The following SDK1 variants were observed in gnomAD, a reference collection of about 807,000 sequenced individuals.
SDK1 encodes the protein sidekick cell adhesion molecule 1.
A neutral mutation model predicts 245.5 loss-of-function variants in SDK1; 157 were observed. That is an observed-to-expected ratio of 0.64 (90% CI 0.56 to 0.73). SDK1 has a LOEUF of 0.73. SDK1 is among the 30% of genes least tolerant of loss of function. SDK1 has a pLI of 0.00. For missense variants in SDK1, 3,583 were observed against 3,002.3 expected (o/e 1.19, Z -4.52); for synonymous variants, 1,647 against 1,278.5 (o/e 1.29, Z -6.15).
intron 20 of SDK1, among the ~76,000 whole-genome samples, chr7:4,076,261 T>C (rs7777597): frequency 1.3e-5 from 2 of 152,170 alleles, no homozygotes; most frequent in Non-Finnish European, 2.9e-5. Context: ...AATATCGGCT[T>C]CCAAAAATGA....
In SDK1 at chr7:4,224,982, C is replaced by CAA. The variant is rs3038664; in HGVS notation, c.5827+3652_5827+3653dup. 2.7e-3 allele frequency among the ~76,000 whole-genome samples: 120 copies of CAA among 43,742 alleles called. 10 individuals are homozygous for CAA. Among genetic ancestry groups the CAA allele is most frequent in the East Asian group, 4.8e-3 (5 of 1,042 alleles). 28.7% of individuals were successfully genotyped at this position (43,742 alleles called of 152,430 possible). A position where few individuals can be genotyped will look rare whatever the true frequency, so the allele number is the denominator to read the frequency against. ...TGGGCAACAGAGTGAGACTCTGTCT[C>CAA]AAAAAAAAAAAAAAAAAAAAAAAAA... On this transcript the variant is annotated intron_variant, in intron 40 of 44. Coordinates refer to ENST00000404826, the MANE Select transcript of SDK1 (RefSeq NM_152744.4).
At position 4,265,263 on chromosome 7, in the gene SDK1, C is replaced by T. The variant is rs765192517; in HGVS notation, c.6521C>T (p.Ala2174Val). 2.5e-6 allele frequency: 4 copies of T among 1,598,702 alleles called. No individual in the cohort carries two copies. Among genetic ancestry groups the T allele is most frequent in the South Asian group, 1.1e-5 (1 of 90,440 alleles). The change falls in exon 45 of 45, where the codon GCG becomes GTG. Residue 2174 changes from alanine (A) to valine (V), a missense_variant. By Grantham distance (64) the Ala-to-Val change is moderately conservative. Transcript: ENST00000404826. ...APAPHRYEAVAGSEAGAQLHP... is the reference protein window; with the variant it reads ...APAPHRYEAVVGSEAGAQLHP... ...GCGCCGCACAGGTACGAGGCGGTGGCGGGCTCCGAGGCGGGCGCGCAGCTG... is the reference window on the plus strand; with the variant it reads ...GCGCCGCACAGGTACGAGGCGGTGGTGGGCTCCGAGGCGGGCGCGCAGCTG...
chr7:3,412,486 C>G (rs1345790944), intron 1 of SDK1, among the ~76,000 whole-genome samples: 1 of 152,162 alleles, frequency 6.6e-6, no homozygotes, highest in Non-Finnish European at 1.5e-5. Flanking sequence ...GCAAAATGTT[C>G]CTTTATGTGT....
At chr7:3,619,027 G>A (rs529124927) in intron 1 of SDK1, 53 bp from the exon 2 acceptor site, 2 of 1,341,318 alleles carry the variant, frequency 1.5e-6, no homozygotes, top group East Asian at 2.6e-5. Flanking sequence ...TTAGATGAGT[G>A]CCACTTTCAT....
intron 1 of SDK1, among the ~76,000 whole-genome samples, chr7:3,470,125 A>G (rs1380933409): frequency 6.6e-6 from 1 of 152,218 alleles, no homozygotes; most frequent in African/African-American, 2.4e-5. Flanking sequence ...GGGGCTTAGC[A>G]TCACAGGAAG....
At chr7:3,989,102 C>T (rs1435537007) in intron 14 of SDK1, among the ~76,000 whole-genome samples, 2 of 152,190 alleles carry the variant, frequency 1.3e-5, no homozygotes, top group Non-Finnish European at 2.9e-5. Flanking sequence ...CCTCTGTTAT[C>T]CTATCTGTAT....
intron 5 of SDK1, among the ~76,000 whole-genome samples, chr7:3,880,179 A>C (rs569094587): frequency 6.6e-6 from 1 of 152,352 alleles, no homozygotes; most frequent in East Asian, 1.9e-4. Context: ...AGGGAGATGG[A>C]TGCGTTCTGC....
intron 2 of SDK1, among the ~76,000 whole-genome samples, chr7:3,637,233 G>T (rs1381946112): frequency 1.3e-5 from 2 of 152,082 alleles, no homozygotes; most frequent in African/African-American, 4.8e-5. Flanking sequence ...AGGTAGCTGG[G>T]ATTACAGGCG....
At chr7:3,414,455 G>A (rs1206528458) in intron 1 of SDK1, among the ~76,000 whole-genome samples, 1 of 152,134 alleles carries the variant, frequency 6.6e-6, no homozygotes, top group Non-Finnish European at 1.5e-5. Flanking sequence ...AAAATCTGGA[G>A]AATGTTTGTT....
chr7:3,578,336 A>C (rs1393396369), intron 1 of SDK1, among the ~76,000 whole-genome samples: 1 of 152,060 alleles, frequency 6.6e-6, no homozygotes, highest in Non-Finnish European at 1.5e-5. Flanking sequence ...CACATGCTTC[A>C]AAGGGCAAAA....
chr7:3,448,326 A>G (rs1295731606), intron 1 of SDK1, among the ~76,000 whole-genome samples: 1 of 151,886 alleles, frequency 6.6e-6, no homozygotes, highest in Non-Finnish European at 1.5e-5. Flanking sequence ...TTCTGCTCAT[A>G]TTATCTGGCC....
At chr7:4,141,494 G>C (rs935853487) in intron 28 of SDK1, among the ~76,000 whole-genome samples, 6 of 152,234 alleles carry the variant, frequency 3.9e-5, no homozygotes, top group Non-Finnish European at 8.8e-5. Context: ...CCCTGCTCCT[G>C]AAAGTAAATA....
chr7:4,041,080 A>G (rs571880609), intron 17 of SDK1, among the ~76,000 whole-genome samples: 1 of 152,210 alleles, frequency 6.6e-6, no homozygotes, highest in African/African-American at 2.4e-5. Flanking sequence ...TCCTGTATCA[A>G]TTGGTCCTGT....
At chr7:4,214,448 G>A (rs1005850214) in intron 38 of SDK1, among the ~76,000 whole-genome samples, 3 of 152,188 alleles carry the variant, frequency 2.0e-5, no homozygotes, top group South Asian at 2.1e-4. Flanking sequence ...TGTCTGTTGC[G>A]AAGGGCTGGT....
At chr7:3,757,900 C>T (rs1272859670) in intron 4 of SDK1, among the ~76,000 whole-genome samples, 3 of 152,166 alleles carry the variant, frequency 2.0e-5, no homozygotes, top group African/African-American at 7.2e-5. Flanking sequence ...AGCACCCATC[C>T]TGAAGCTATC....
At chr7:4,261,633 A>T (rs1305714295) in intron 44 of SDK1, among the ~76,000 whole-genome samples, 3 of 152,204 alleles carry the variant, frequency 2.0e-5, no homozygotes, top group African/African-American at 7.2e-5. Flanking sequence ...ACAGACCCAC[A>T]GAGTCAGGAT....
chr7:3,517,149 C>G (rs994504307), intron 1 of SDK1, among the ~76,000 whole-genome samples: 7 of 152,112 alleles, frequency 4.6e-5, no homozygotes, highest in African/African-American at 1.7e-4. Flanking sequence ...GAAGGAATTT[C>G]CTAAGCTTTC....
At chr7:3,615,030 A>G (rs904085454) in intron 1 of SDK1, among the ~76,000 whole-genome samples, 2 of 151,688 alleles carry the variant, frequency 1.3e-5, no homozygotes, top group African/African-American at 2.4e-5. Context: ...ATTTTAATTC[A>G]AATCCGTTGT....
chr7:3,485,923 A>C (rs1182638989), intron 1 of SDK1, among the ~76,000 whole-genome samples: 1 of 151,776 alleles, frequency 6.6e-6, no homozygotes, highest in Non-Finnish European at 1.5e-5. Context: ...CTATTTTTTG[A>C]AGATTTGAAA....
Sources: gnomAD v4.1 joint callset for allele counts (sites outside exome capture counted in the v4.1 genomes callset) on GRCh38, gnomAD v4.1.1 for gene constraint, MANE v1.5 for transcripts, NCBI Gene and HGNC (gene_info 2026-07-23, HGNC 2026-07-21) for gene names.